STPG4: variants seen among roughly 807,000 people sequenced by gnomAD.
STPG4 encodes protein STPG4.
A neutral mutation model predicts 31.5 loss-of-function variants in STPG4; 41 were observed. That is an observed-to-expected ratio of 1.30 (90% CI 1.01 to 1.69). The LOEUF (loss-of-function observed/expected upper bound fraction) is 1.69, where lower values mean the gene tolerates loss of function less well. Among genes scored for constraint, STPG4 ranks in the 40% most tolerant of loss-of-function variants. STPG4 has a pLI of 0.00. For synonymous variants in STPG4, 141 were observed against 103.0 expected (o/e 1.37, Z -2.24); for missense variants, 375 against 293.4 (o/e 1.28, Z -2.03).
At chr2:47,108,735 G>C (rs1316382923) in intron 5 of STPG4, 1 of 152,624 alleles carries the variant, frequency 6.6e-6, no homozygotes, top group South Asian at 2.1e-4. Context: ...TGTGGGTAGG[G>C]CAGAGCACCT....
intron 5 of STPG4, among the ~76,000 whole-genome samples, chr2:47,092,015 C>A (rs1324498186): frequency 2.7e-5 from 4 of 149,008 alleles, no homozygotes; most frequent in Non-Finnish European, 5.9e-5. Context: ...GTCAAAAATG[C>A]AAGCTGAACA....
Position 47,115,652 on chromosome 2 carries a change from C to CTTTTT in STPG4, c.519+14284_519+14288dup, listed in dbSNP as rs70940657. ...CTCCATCTCTTGTTCACATTAAAGG[C>CTTTTT]TTTTTTTTTTTTTTTTTTGAGACAG... is the stretch of plus-strand genomic sequence containing the variant. On this transcript the variant is annotated intron_variant, in intron 5 of 6. Coordinates refer to ENST00000445927, the MANE Select transcript of STPG4 (RefSeq NM_001163561.2). Among the ~76,000 whole-genome samples the CTTTTT allele has an allele frequency of 4.5e-4, 51 of 113,316 alleles. 2 individuals carry two copies. The highest frequency in any genetic ancestry group is 6.1e-4 in the Non-Finnish European group (36 of 59,288). 74.3% of individuals were successfully genotyped at this position (113,316 alleles called of 152,430 possible).
chr2:47,104,758 C>T (rs1428982611), intron 5 of STPG4, among the ~76,000 whole-genome samples: 1 of 151,914 alleles, frequency 6.6e-6, no homozygotes, highest in African/African-American at 2.4e-5. Flanking sequence ...CTCATGCCAG[C>T]AGGCTACTCT....
intron 5 of STPG4, among the ~76,000 whole-genome samples, chr2:47,100,760 C>A (rs1685779924): frequency 6.6e-6 from 1 of 151,502 alleles, no homozygotes; most frequent in Non-Finnish European, 1.5e-5. Flanking sequence ...TCCAGACACG[C>A]CACCTTAAGA....
chr2:47,151,645 C>T (rs144263170), intron 2 of STPG4, 130 bp from the exon 3 acceptor site: 160 of 719,030 alleles, frequency 2.2e-4, no homozygotes, highest in African/African-American at 2.1e-3. Context: ...ATATCAAATA[C>T]AGTAAACACT....
intron 3 of STPG4, 75 bp downstream of exon 3, chr2:47,151,183 C>A: frequency 6.5e-7 from 1 of 1,536,576 alleles, no homozygotes; most frequent in Non-Finnish European, 8.9e-7. Context: ...AAGATATACT[C>A]TACGTATAAA....
chr2:47,112,640 C>T (rs901514336), intron 5 of STPG4, among the ~76,000 whole-genome samples: 28 of 152,092 alleles, frequency 1.8e-4, no homozygotes, highest in Non-Finnish European at 1.0e-4. Flanking sequence ...TACTATATTG[C>T]ACCAGATCTA....
intron 3 of STPG4, among the ~76,000 whole-genome samples, chr2:47,131,132 AT>A (rs988680058): frequency 2.0e-5 from 3 of 148,110 alleles, no homozygotes; most frequent in African/African-American, 7.5e-5. Context: ...TCTTATTTTT[AT>A]TTATTTATTT....
chr2:47,133,831 C>A (rs1192306763), intron 3 of STPG4, among the ~76,000 whole-genome samples: 1 of 151,978 alleles, frequency 6.6e-6, no homozygotes, highest in Non-Finnish European at 1.5e-5. Flanking sequence ...CCCGCTTTGG[C>A]CTCCCAAAGT....
intron 5 of STPG4, among the ~76,000 whole-genome samples, chr2:47,115,670 T>G (rs1388390896): frequency 6.7e-6 from 1 of 149,690 alleles, no homozygotes; most frequent in African/African-American, 2.5e-5. Flanking sequence ...TTTTTTTTTT[T>G]GAGACAGAGT....
chr2:47,155,245 G>A lies in STPG4; in HGVS notation c.7C>T (p.Gln3Ter). The A allele has an allele frequency of 3.1e-6, 5 of 1,614,084 alleles. No individual in the cohort carries two copies. Among genetic ancestry groups the A allele is most frequent in the Non-Finnish European group, 4.2e-6 (5 of 1,179,994 alleles). Residue 3 changes from glutamine (Q) to a stop codon, truncating the protein, a stop_gained, in exon 1 of 7, where the codon CAG becomes TAG. Transcript: ENST00000445927. LOFTEE classifies it high-confidence loss of function. ...GTGGAAGCGGTGGCGACGGCTGGCT[G>A]GTCCATGGTGGCCTCCTCTCTCTCT... MD[Q>*]PAVATASTSI... is the part of the protein sequence containing the mutation.
At chr2:47,090,231 C>A (rs1446060565) in intron 6 of STPG4, 39 bp downstream of exon 6, 1 of 1,420,036 alleles carries the variant, frequency 7.0e-7, no homozygotes, top group Non-Finnish European at 9.7e-7. Context: ...TAACCATACC[C>A]CTAGGGGTGG....
At chr2:47,092,896 G>A (rs527796238) in intron 5 of STPG4, among the ~76,000 whole-genome samples, 11 of 152,124 alleles carry the variant, frequency 7.2e-5, no homozygotes, top group Admixed American at 7.2e-4. Flanking sequence ...GGGTTCAAGC[G>A]ATTCTTCTGC....
At chr2:47,094,089 G>A (rs575896743) in intron 5 of STPG4, among the ~76,000 whole-genome samples, 2 of 152,326 alleles carry the variant, frequency 1.3e-5, no homozygotes, top group Admixed American at 1.3e-4. Context: ...CTCCTTTACT[G>A]GGGATCCTCA....
intron 3 of STPG4, among the ~76,000 whole-genome samples, chr2:47,138,069 A>T (rs967944228): frequency 3.3e-5 from 5 of 152,012 alleles, no homozygotes; most frequent in African/African-American, 1.2e-4. Flanking sequence ...GACTTACATG[A>T]TTAATTTTTG....
chr2:47,106,919 A>T (rs1250437343), intron 5 of STPG4, among the ~76,000 whole-genome samples: 1 of 151,992 alleles, frequency 6.6e-6, no homozygotes, highest in Non-Finnish European at 1.5e-5. Context: ...TAAACTAACA[A>T]CTTCTACCGA....
intron 3 of STPG4, among the ~76,000 whole-genome samples, chr2:47,133,560 G>A (rs1262306238): frequency 1.6e-5 from 2 of 126,240 alleles, no homozygotes; most frequent in Non-Finnish European, 3.3e-5. Flanking sequence ...TGCTGATTAG[G>A]CACTCAAATC....
chr2:47,127,237 G>T, intron 5 of STPG4, among the ~76,000 whole-genome samples: 1 of 109,370 alleles, frequency 9.1e-6, no homozygotes, highest in Non-Finnish European at 1.8e-5. Flanking sequence ...CAAATAGCTT[G>T]TCTTCAAGCT....
intron 5 of STPG4, chr2:47,108,239 G>GA (rs899513480): frequency 6.6e-6 from 1 of 151,358 alleles, no homozygotes. Flanking sequence ...CCAGATAAGA[G>GA]AAAAAAAGCA....
Sources: gnomAD v4.1 joint callset for allele counts (sites outside exome capture counted in the v4.1 genomes callset) on GRCh38, gnomAD v4.1.1 for gene constraint, MANE v1.5 for transcripts, NCBI Gene and HGNC (gene_info 2026-07-23, HGNC 2026-07-21) for gene names.